The following DNAH14 variants were observed in gnomAD, a reference collection of about 807,000 sequenced individuals.
DNAH14 encodes dynein axonemal heavy chain 14.
Under a neutral mutation model 520.9 loss-of-function variants are expected in DNAH14, and 478 were observed. The observed-to-expected ratio is 0.92, with a 90% CI of 0.85 to 0.99. DNAH14 has a LOEUF of 0.99. DNAH14 is among the 50% of genes least tolerant of loss of function. DNAH14 has a pLI of 0.00. For missense variants in DNAH14, 4,831 were observed against 5,234.5 expected (o/e 0.92, Z 2.38); for synonymous variants, 1,581 against 1,757.2 (o/e 0.90, Z 2.51).
intron 60 of DNAH14, among the ~76,000 whole-genome samples, chr1:225,313,696 T>C (rs904454372): frequency 6.6e-6 from 1 of 152,186 alleles, no homozygotes; most frequent in Non-Finnish European, 1.5e-5. Flanking sequence ...ATTTCATTAT[T>C]TACCCAGTAG....
rs1419098180 is a variant in DNAH14 at position 225,168,046 on chromosome 1, T to C, written c.5535+18T>C. On this transcript the variant is annotated intron_variant, in intron 36 of 85. Transcript: ENST00000682510. ...AACTTCAGGTAAGTATAAAATGGCA[T>C]GTTAGCAATCCTTTGCCTGTATTTC... The C allele has an allele frequency of 1.5e-6, 2 of 1,348,480 alleles. No homozygotes were observed. The highest frequency in any genetic ancestry group is 4.5e-5 in the Admixed American group (2 of 44,068). 83.5% of individuals were successfully genotyped at this position (1,348,480 alleles called of 1,614,324 possible).
intron 49 of DNAH14, 74 bp from the exon 50 acceptor site, chr1:225,270,661 G>A: frequency 7.8e-7 from 1 of 1,280,162 alleles, no homozygotes; most frequent in Non-Finnish European, 1.0e-6. Context: ...GTCCAATTTG[G>A]GACAGAGACG....
At chr1:225,103,818 C>T (rs2075753811) in intron 23 of DNAH14, among the ~76,000 whole-genome samples, 1 of 152,148 alleles carries the variant, frequency 6.6e-6, no homozygotes, top group African/African-American at 2.4e-5. Context: ...TCTAGATATA[C>T]AATCATGTCA....
At chr1:225,068,616 A>G (rs998834964) in intron 17 of DNAH14, among the ~76,000 whole-genome samples, 7 of 152,004 alleles carry the variant, frequency 4.6e-5, no homozygotes, top group African/African-American at 1.7e-4. Context: ...ATCCTCTCTG[A>G]TTTCCCTGAG....
intron 49 of DNAH14, among the ~76,000 whole-genome samples, chr1:225,270,188 T>C (rs2093271788): frequency 1.3e-5 from 2 of 152,052 alleles, no homozygotes; most frequent in African/African-American, 4.8e-5. Context: ...TGGATGAAGC[T>C]GGAAACCATC....
chr1:225,152,160 G>A (rs907351860), intron 32 of DNAH14, 87 bp downstream of exon 32: 9 of 1,169,890 alleles, frequency 7.7e-6, no homozygotes, highest in Non-Finnish European at 1.1e-5. Context: ...CTTGACATTT[G>A]CATCTATCCA....
intron 22 of DNAH14, 107 bp from the exon 23 acceptor site, chr1:225,100,606 C>A: frequency 1.1e-6 from 1 of 918,680 alleles, no homozygotes; most frequent in Non-Finnish European, 1.5e-6. Context: ...AATTTAACAT[C>A]AAATGTTTTA....
rs572025765 is a variant in DNAH14 at position 225,274,392 on chromosome 1, G to A, written c.8010+1267G>A. On this transcript the variant is annotated intron_variant, in intron 52 of 85. Coordinates refer to ENST00000682510, the MANE Select transcript of DNAH14 (RefSeq NM_001367479.1). Reference sequence around the variant, plus strand: ...GCTAATTTTTTTTGTATTTTTAGTAGAGACGGGGTTTCACCGTGGTCTCGA... The same window carrying A: ...GCTAATTTTTTTTGTATTTTTAGTAAAGACGGGGTTTCACCGTGGTCTCGA... 6.4e-3 allele frequency among the ~76,000 whole-genome samples: 965 copies of A among 151,568 alleles called. 3 individuals carry two copies. The highest frequency in any genetic ancestry group is 0.01 in the Middle Eastern group (3 of 294).
intron 17 of DNAH14, among the ~76,000 whole-genome samples, chr1:225,053,366 T>G (rs941916347): frequency 5.3e-5 from 8 of 152,112 alleles, no homozygotes; most frequent in African/African-American, 1.9e-4. Context: ...TGGCAAGAGG[T>G]GAAGCTAAGA....
At chr1:225,380,109 C>T in intron 79 of DNAH14, 50 bp from the exon 80 acceptor site, 1 of 1,505,882 alleles carries the variant, frequency 6.6e-7, no homozygotes, top group Non-Finnish European at 8.9e-7. Context: ...CTCTCCCCAT[C>T]TCCCCACTTC....
Position 225,051,673 on chromosome 1 carries a change from A to T in DNAH14, c.2302A>T (p.Ile768Phe). The change falls in exon 17 of 86, where the codon ATT becomes TTT. Residue 768 changes from isoleucine to phenylalanine, a missense_variant. Coordinates refer to ENST00000682510, the MANE Select transcript of DNAH14 (RefSeq NM_001367479.1). ...VNMAIEKRIGIFNVVSLDYQS... is the reference protein window; with the variant it reads ...VNMAIEKRIGFFNVVSLDYQS... ...TATGGCCATTGAGAAGCGTATTGGT[A>T]TTTTCAACGTTGTAAGTCTTGATTA... The T allele has an allele frequency of 6.4e-7, 1 of 1,551,248 alleles. No individual in the cohort carries two copies. Among genetic ancestry groups the T allele is most frequent in the South Asian group, 1.2e-5 (1 of 84,034 alleles).
At chr1:225,224,174 G>A (rs185266194) in intron 41 of DNAH14, among the ~76,000 whole-genome samples, 2 of 151,748 alleles carry the variant, frequency 1.3e-5, no homozygotes, top group African/African-American at 4.8e-5. Flanking sequence ...GATAAGTTAC[G>A]AATCCTGTTT....
At chr1:224,976,852 G>A (rs2125668248) in intron 8 of DNAH14, among the ~76,000 whole-genome samples, 1 of 151,982 alleles carries the variant, frequency 6.6e-6, no homozygotes, top group Non-Finnish European at 1.5e-5. Flanking sequence ...GTGCTAGAGA[G>A]GATGTGGAGA....
intron 38 of DNAH14, among the ~76,000 whole-genome samples, chr1:225,199,509 G>C (rs2086553654): frequency 6.6e-6 from 1 of 152,066 alleles, no homozygotes; most frequent in Admixed American, 6.6e-5. Flanking sequence ...TGCCTTTGCT[G>C]TATCCCAGAG....
At chr1:224,992,070 C>T (rs1405289887) in intron 8 of DNAH14, among the ~76,000 whole-genome samples, 1 of 151,998 alleles carries the variant, frequency 6.6e-6, no homozygotes, top group East Asian at 1.9e-4. Flanking sequence ...TTTATGGGTT[C>T]CCCTTTCTGT....
intron 20 of DNAH14, among the ~76,000 whole-genome samples, chr1:225,084,773 T>TA (rs2148610033): frequency 7.9e-6 from 1 of 127,004 alleles, no homozygotes; most frequent in South Asian, 2.5e-4. Flanking sequence ...TCCCATACTT[T>TA]AACCATAAAG....
At chr1:224,967,960 C>T in intron 6 of DNAH14, 3 of 1,139,692 alleles carry the variant, frequency 2.6e-6, no homozygotes, top group Non-Finnish European at 3.2e-6. Flanking sequence ...ATGTAGAAAT[C>T]CCCCTTTTAC....
chr1:225,260,500 T>C (rs564928652), intron 46 of DNAH14, among the ~76,000 whole-genome samples: 2 of 152,328 alleles, frequency 1.3e-5, no homozygotes, highest in East Asian at 3.9e-4. Flanking sequence ...GGGCCCTTTA[T>C]CCTGTTTCAT....
intron 58 of DNAH14, among the ~76,000 whole-genome samples, 159 bp downstream of exon 58, chr1:225,305,248 C>G (rs921539494): frequency 7.9e-5 from 12 of 152,122 alleles, no homozygotes; most frequent in Non-Finnish European, 1.8e-4. Flanking sequence ...TGACATTCCC[C>G]CTGTGTGCCT....
Sources: allele counts gnomAD v4.1 joint callset (sites outside exome capture counted in the v4.1 genomes callset), GRCh38; gene constraint gnomAD v4.1.1; transcripts MANE v1.5; gene names NCBI Gene and HGNC (gene_info 2026-07-23, HGNC 2026-07-21).